Variants in CSMD3 observed in about 807,000 individuals in gnomAD.
CSMD3 encodes the protein CUB and sushi domain-containing protein 3.
Under a neutral mutation model 435.2 loss-of-function variants are expected in CSMD3, and 177 were observed. That is an observed-to-expected ratio of 0.41 (90% CI 0.36 to 0.46). The LOEUF (loss-of-function observed/expected upper bound fraction) is 0.46. CSMD3 is among the 20% of genes least tolerant of loss of function. The pLI, the probability that CSMD3 is intolerant of heterozygous loss-of-function variation, is 0.34. For synonymous variants in CSMD3, 1,656 were observed against 1,520.5 expected (o/e 1.09, Z -2.07); for missense variants, 4,265 against 4,504.6 (o/e 0.95, Z 1.52).
At chr8:113,269,903 G>A (rs1281977849) in intron 3 of CSMD3, among the ~76,000 whole-genome samples, 2 of 151,688 alleles carry the variant, frequency 1.3e-5, no homozygotes, top group South Asian at 2.1e-4. Context: ...ATAGGCATGG[G>A]CAAGGACTTC....
chr8:113,070,405 C>T (rs879327953), intron 5 of CSMD3, among the ~76,000 whole-genome samples: 23 of 151,852 alleles, frequency 1.5e-4, no homozygotes, highest in Admixed American at 6.6e-4. Flanking sequence ...CTGCCATAAT[C>T]CTGGTAGAAT....
chr8:113,363,829 T>C (rs906634775), intron 1 of CSMD3, among the ~76,000 whole-genome samples: 6 of 152,188 alleles, frequency 3.9e-5, no homozygotes, highest in Admixed American at 6.5e-5. Context: ...TCTCTGACTA[T>C]ACATTTTCAG....
chr8:112,542,361 A>T (rs1283417713), intron 27 of CSMD3, among the ~76,000 whole-genome samples: 2 of 150,454 alleles, frequency 1.3e-5, no homozygotes, highest in Non-Finnish European at 3.0e-5. Flanking sequence ...AAAAAAAAAA[A>T]TAGGTAAAAT....
At chr8:113,414,055 A>T (rs2094571032) in intron 1 of CSMD3, among the ~76,000 whole-genome samples, 1 of 152,188 alleles carries the variant, frequency 6.6e-6, no homozygotes, top group Non-Finnish European at 1.5e-5. Context: ...GAATCAAGAC[A>T]TTGGAGCTGA....
chr8:113,286,668 T>A (rs1588443997), intron 2 of CSMD3, among the ~76,000 whole-genome samples: 1 of 151,708 alleles, frequency 6.6e-6, no homozygotes, highest in East Asian at 1.9e-4. Context: ...CTGGGAGAGT[T>A]GAGAAGAACG....
intron 1 of CSMD3, among the ~76,000 whole-genome samples, chr8:113,349,168 G>T (rs113740179): frequency 0.013 from 2,017 of 152,100 alleles, 27 homozygotes; most frequent in Middle Eastern, 0.044. Flanking sequence ...AAATCAATGA[G>T]TCTTCATTTT....
chr8:112,308,240 G>A (rs996800098), intron 50 of CSMD3, among the ~76,000 whole-genome samples: 1 of 151,982 alleles, frequency 6.6e-6, no homozygotes, highest in African/African-American at 2.4e-5. Flanking sequence ...TAGAACTTTT[G>A]GGAATTTCAA....
At chr8:112,760,650 T>C (rs1292301068) in intron 13 of CSMD3, among the ~76,000 whole-genome samples, 3 of 152,192 alleles carry the variant, frequency 2.0e-5, no homozygotes, top group African/African-American at 7.2e-5. Context: ...AAAAATATTC[T>C]TATCATCACA....
Position 112,335,412 on chromosome 8 carries a change from G to A in CSMD3, c.7082C>T (p.Ser2361Leu), listed in dbSNP as rs2130948007. ...AATCTGATTTGAAGTACTGTAGACT[G>A]ATTCCAAAGCGGTATTGCCACTGAA... ...GQFSGNTALE[S>L]VYSTSNQILI... is the part of the protein sequence containing the mutation. The change falls in exon 45 of 71, where the codon TCA becomes TTA. Residue 2361 changes from serine to leucine, a missense_variant. Around this residue, in one of 3 missense-constraint regions of CSMD3, gnomAD observed 3,255 missense variants for 3,380.2 expected, o/e 0.96. Transcript: ENST00000297405. 6.2e-7 allele frequency: 1 copy of A among 1,613,898 alleles called. No homozygotes were observed. The highest frequency in any genetic ancestry group is 1.7e-5 in the Admixed American group (1 of 60,014).
At chr8:113,019,667 A>G (rs2086611419) in intron 5 of CSMD3, among the ~76,000 whole-genome samples, 1 of 98,616 alleles carries the variant, frequency 1.0e-5, no homozygotes, top group South Asian at 3.6e-4. Flanking sequence ...ATAAAGTTAC[A>G]AAATCGAAAG....
At chr8:112,460,940 C>T (rs1267583171) in intron 32 of CSMD3, among the ~76,000 whole-genome samples, 1 of 152,022 alleles carries the variant, frequency 6.6e-6, no homozygotes, top group Non-Finnish European at 1.5e-5. Flanking sequence ...GTGATGTGCA[C>T]CATATGTTTG....
At chr8:113,137,248 A>T (rs1234286471) in intron 4 of CSMD3, among the ~76,000 whole-genome samples, 2 of 151,714 alleles carry the variant, frequency 1.3e-5, no homozygotes, top group Admixed American at 1.3e-4. Context: ...AGTTTAAAAA[A>T]TTTAAATGAT....
At chr8:112,815,073 C>G in intron 12 of CSMD3, among the ~76,000 whole-genome samples, 1 of 149,948 alleles carries the variant, frequency 6.7e-6, no homozygotes, top group East Asian at 2.0e-4. Context: ...ACTAAAATGA[C>G]GATGATTAGA....
At chr8:112,417,621 T>C (rs563532751) in intron 32 of CSMD3, among the ~76,000 whole-genome samples, 1 of 152,316 alleles carries the variant, frequency 6.6e-6, no homozygotes, top group African/African-American at 2.4e-5. Context: ...CCAGCTATTT[T>C]AATCAAGCTT....
intron 12 of CSMD3, among the ~76,000 whole-genome samples, chr8:112,801,905 G>T (rs1305446991): frequency 1.9e-4 from 29 of 151,996 alleles, no homozygotes; most frequent in African/African-American, 2.4e-5. Flanking sequence ...TGGGAAAATT[G>T]AAGTATTGCT....
intron 13 of CSMD3, among the ~76,000 whole-genome samples, chr8:112,703,301 G>A (rs1303833499): frequency 6.6e-6 from 1 of 152,130 alleles, no homozygotes; most frequent in Non-Finnish European, 1.5e-5. Context: ...AGAAGCAGGG[G>A]AAGAGGTGCT....
intron 27 of CSMD3, among the ~76,000 whole-genome samples, chr8:112,534,959 G>A (rs866704582): frequency 4.1e-4 from 62 of 152,170 alleles, no homozygotes; most frequent in African/African-American, 1.4e-3. Flanking sequence ...ATGCAGAAAA[G>A]GCCTTTGACA....
At chr8:113,007,272 A>C (rs1039441037) in intron 6 of CSMD3, among the ~76,000 whole-genome samples, 2 of 151,942 alleles carry the variant, frequency 1.3e-5, no homozygotes, top group Non-Finnish European at 2.9e-5. Context: ...GCTCTCCTTA[A>C]AATTTATGTT....
At chr8:112,524,950 T>C (rs1824710211) in intron 27 of CSMD3, among the ~76,000 whole-genome samples, 1 of 151,902 alleles carries the variant, frequency 6.6e-6, no homozygotes, top group African/African-American at 2.4e-5. Flanking sequence ...AAAGAATGTG[T>C]TTTTTCAATA....
Sources: gnomAD v4.1 joint callset for allele counts (sites outside exome capture counted in the v4.1 genomes callset) on GRCh38, gnomAD v4.1.1 for gene constraint, gnomAD v4.1.1 regional missense constraint, MANE v1.5 for transcripts, NCBI Gene and HGNC (gene_info 2026-07-23, HGNC 2026-07-21) for gene names.